The following CDYL2 variants were observed in gnomAD, a reference collection of about 807,000 sequenced individuals.
CDYL2 encodes chromodomain Y like 2.
Under a neutral mutation model 49.4 loss-of-function variants are expected in CDYL2, and 23 were observed. The ratio of observed to expected loss-of-function variants is 0.47; its 90% CI spans 0.34 to 0.66. The LOEUF is 0.66. Ranked by LOEUF, CDYL2 falls within the 30% of genes least tolerant of loss-of-function variation. The pLI, the probability that CDYL2 is intolerant of heterozygous loss-of-function variation, is 0.01. For missense variants in CDYL2, 678 were observed against 656.4 expected (o/e 1.03, Z -0.36); for synonymous variants, 360 against 268.8 (o/e 1.34, Z -3.32).
chr16:80,758,482 A>T (rs1488555371), intron 1 of CDYL2, among the ~76,000 whole-genome samples: 1 of 151,942 alleles, frequency 6.6e-6, no homozygotes, highest in Non-Finnish European at 1.5e-5. Flanking sequence ...GCTTTTTTCT[A>T]GGATTTTAAT....
At position 80,700,081 on chromosome 16, in the gene CDYL2, G is replaced by A. The variant is rs1258071685; in HGVS notation, c.25-14952C>T. On this transcript the variant is annotated intron_variant, in intron 1 of 6. Transcript: ENST00000570137. ...TCACCATGTTAGCCAGGATGGTCTC[G>A]ATCTCCTGACCTCATGATCCGCCCG... is the stretch of plus-strand genomic sequence containing the variant. 5.9e-5 allele frequency among the ~76,000 whole-genome samples: 9 copies of A among 152,084 alleles called. No homozygotes were observed. In the East Asian group the frequency reaches 7.7e-4, roughly 13 times the overall value.
chr16:80,768,458 A>G lies in CDYL2; in HGVS notation c.24+35692T>C, dbSNP rs73579935. Reference sequence around the variant, plus strand: ...TAAACAATAGGAATTTATTACTCACAGTTCTAGAGGCTGGGAAGTCCAAGA... The same window carrying G: ...TAAACAATAGGAATTTATTACTCACGGTTCTAGAGGCTGGGAAGTCCAAGA... On this transcript the variant is annotated intron_variant, in intron 1 of 6. Coordinates refer to ENST00000570137, the MANE Select transcript of CDYL2 (RefSeq NM_152342.4). Among the ~76,000 whole-genome samples, 719 of 152,324 alleles carry G rather than the reference A, an allele frequency of 4.7e-3. 4 individuals are homozygous for G. Among genetic ancestry groups the G allele is most frequent in the African/African-American group, 0.016 (677 of 41,580 alleles).
At chr16:80,723,863 A>G (rs1018429355) in intron 1 of CDYL2, among the ~76,000 whole-genome samples, 3 of 151,516 alleles carry the variant, frequency 2.0e-5, no homozygotes, top group Non-Finnish European at 4.4e-5. Context: ...GGAACAGGAG[A>G]AAGAGGAGGA....
chr16:80,790,861 T>C (rs1907587117), intron 1 of CDYL2, among the ~76,000 whole-genome samples: 1 of 152,162 alleles, frequency 6.6e-6, no homozygotes, highest in South Asian at 2.1e-4. Context: ...AAGAAAGCGA[T>C]AATGATGTCA....
At chr16:80,785,748 C>G (rs763799222) in intron 1 of CDYL2, among the ~76,000 whole-genome samples, 9 of 152,174 alleles carry the variant, frequency 5.9e-5, no homozygotes, top group Non-Finnish European at 1.0e-4. Flanking sequence ...CAGCATAGTA[C>G]TGGTACCAAA....
intron 2 of CDYL2, among the ~76,000 whole-genome samples, chr16:80,635,852 G>GTACCAAAACAGCATGGTACTGT (rs1567549978): frequency 6.6e-6 from 1 of 152,120 alleles, no homozygotes; most frequent in East Asian, 1.9e-4. Flanking sequence ...CATGGTACTG[G>GTACCAAAACAGCATGGTACTGT]TACCAAAACA....
intron 2 of CDYL2, among the ~76,000 whole-genome samples, chr16:80,662,221 G>C (rs766648435): frequency 7.9e-5 from 12 of 152,150 alleles, no homozygotes; most frequent in Non-Finnish European, 1.8e-4. Context: ...ACCTCTCAAA[G>C]ACACCCAAGG....
Position 80,730,981 on chromosome 16 carries a change from G to C in CDYL2, c.25-45852C>G, listed in dbSNP as rs6564788. Among the ~76,000 whole-genome samples the C allele has an allele frequency of 9.8e-3, 1,484 of 152,174 alleles. 31 individuals carry two copies. Among genetic ancestry groups the C allele is most frequent in the African/African-American group, 0.033 (1,389 of 41,520 alleles). On this transcript the variant is annotated intron_variant, in intron 1 of 6. Transcript: ENST00000570137. ...GTGGAAAGAGTAGATAGATTACAAG[G>C]AGGCAAGAGGAAACATCTGGAAAAT... is the stretch of plus-strand genomic sequence containing the variant.
At chr16:80,629,111 G>T (rs907317749) in intron 3 of CDYL2, among the ~76,000 whole-genome samples, 1 of 152,218 alleles carries the variant, frequency 6.6e-6, no homozygotes, top group Non-Finnish European at 1.5e-5. Context: ...GCACCACGCT[G>T]AGGGTTCTGA....
chr16:80,609,296 C>T (rs922296331), intron 5 of CDYL2, among the ~76,000 whole-genome samples: 1 of 152,180 alleles, frequency 6.6e-6, no homozygotes, highest in Non-Finnish European at 1.5e-5. Flanking sequence ...CGGCCGGCAA[C>T]GCCTTCCCCA....
chr16:80,768,185 C>T (rs147645117), intron 1 of CDYL2, among the ~76,000 whole-genome samples: 32 of 152,246 alleles, frequency 2.1e-4, no homozygotes, highest in African/African-American at 6.5e-4. Flanking sequence ...ACACTGTGGC[C>T]AATGAAGGGA....
intron 1 of CDYL2, among the ~76,000 whole-genome samples, chr16:80,714,343 A>T (rs1474118943): frequency 6.6e-6 from 1 of 152,196 alleles, no homozygotes; most frequent in African/African-American, 2.4e-5. Flanking sequence ...AATGTTCCCC[A>T]CACGAAGAAA....
chr16:80,751,755 G>A (rs1343089452), intron 1 of CDYL2, among the ~76,000 whole-genome samples: 1 of 152,204 alleles, frequency 6.6e-6, no homozygotes, highest in Non-Finnish European at 1.5e-5. Flanking sequence ...ACCTGCCCAG[G>A]CAAAAGTAAA....
chr16:80,794,759 G>A (rs904217940), intron 1 of CDYL2, among the ~76,000 whole-genome samples: 1 of 151,870 alleles, frequency 6.6e-6, no homozygotes, highest in Admixed American at 6.6e-5. Flanking sequence ...TTACAGGCAT[G>A]TGCCACCACA....
At chr16:80,761,628 G>A (rs1486398522) in intron 1 of CDYL2, among the ~76,000 whole-genome samples, 2 of 152,128 alleles carry the variant, frequency 1.3e-5, no homozygotes, top group Non-Finnish European at 2.9e-5. Context: ...AGATCTGAGA[G>A]AGGCCAGGAA....
chr16:80,650,607 C>T (rs551641607), intron 2 of CDYL2, among the ~76,000 whole-genome samples: 31 of 152,304 alleles, frequency 2.0e-4, no homozygotes, highest in African/African-American at 7.2e-4. Context: ...ATCCAGCAAT[C>T]CCACTGCTGG....
chr16:80,784,205 GTTTCC>G (rs571891813), intron 1 of CDYL2, among the ~76,000 whole-genome samples: 99 of 151,336 alleles, frequency 6.5e-4, no homozygotes, highest in Non-Finnish European at 1.4e-3. Context: ...CTTCTTTATG[GTTTCC>G]TTTCATTTTG....
chr16:80,667,986 T>G (rs992870828), intron 2 of CDYL2, among the ~76,000 whole-genome samples: 1 of 152,124 alleles, frequency 6.6e-6, no homozygotes, highest in African/African-American at 2.4e-5. Context: ...GAGACACAAG[T>G]GGAAGGAACA....
At chr16:80,637,721 T>C (rs1471708854) in intron 2 of CDYL2, among the ~76,000 whole-genome samples, 3 of 152,178 alleles carry the variant, frequency 2.0e-5, no homozygotes, top group East Asian at 1.9e-4. Context: ...CAATAATTTA[T>C]TGTATATTTC....
Sources: allele counts gnomAD v4.1 joint callset (sites outside exome capture counted in the v4.1 genomes callset), GRCh38; gene constraint gnomAD v4.1.1; transcripts MANE v1.5; gene names NCBI Gene and HGNC (gene_info 2026-07-23, HGNC 2026-07-21).